SBNO2: variants seen among roughly 807,000 people sequenced by gnomAD.
The protein encoded by SBNO2 is strawberry notch homolog 2.
Under a neutral mutation model 146.3 loss-of-function variants are expected in SBNO2, and 89 were observed. The ratio of observed to expected loss-of-function variants is 0.61; its 90% CI spans 0.51 to 0.73. The LOEUF (loss-of-function observed/expected upper bound fraction) is 0.73. SBNO2 is among the 30% of genes least tolerant of loss of function. The pLI is 0.00. For synonymous variants in SBNO2, 1,147 were observed against 892.6 expected (o/e 1.29, Z -5.08); for missense variants, 2,092 against 2,003.7 (o/e 1.04, Z -0.84).
At chr19:1,163,181 C>G (rs1323327722) in intron 1 of SBNO2, among the ~76,000 whole-genome samples, 1 of 152,186 alleles carries the variant, frequency 6.6e-6, no homozygotes, top group Non-Finnish European at 1.5e-5. Context: ...TCTTTGCACA[C>G]GTGGTTGGTT....
rs1354952156 is a variant in SBNO2, at chr19:1,112,156, C to G, written c.2628+33G>C. 2.5e-6 allele frequency: 4 copies of G among 1,588,816 alleles called. 1 individual carries two copies. The Middle Eastern group carries it at 6.6e-4, about 264-fold the overall frequency. On this transcript the variant is annotated intron_variant, in intron 22 of 31. Transcript: ENST00000361757. The surrounding 1 kb of genome is among the most constrained non-coding windows in gnomAD (Gnocchi z 5.9). ...CTTTGGAGAGCCTTCCTGGGCCTGTCCCTGGTTCTCAGCCCCACCCCCACC... is the reference window on the plus strand; with the variant it reads ...CTTTGGAGAGCCTTCCTGGGCCTGTGCCTGGTTCTCAGCCCCACCCCCACC...
chr19:1,113,577 G>A lies in SBNO2; in HGVS notation c.2205C>T (p.Asp735=), dbSNP rs373029340. Residue 735 remains aspartate (D), a synonymous_variant, in exon 19 of 32, where the codon GAC becomes GAT. Coordinates refer to ENST00000361757, the MANE Select transcript of SBNO2 (RefSeq NM_014963.3). Reference sequence around the variant, plus strand: ...GGCCGCCCAGCTGGTCGATGAGCTCGTCCAGGGTGTTGACTGGCAGTTCCC... The same window carrying A: ...GGCCGCCCAGCTGGTCGATGAGCTCATCCAGGGTGTTGACTGGCAGTTCCC... ...LGRELPVNTL[D]ELIDQLGGPQ... 87 of 1,600,582 alleles carry A rather than the reference G, an allele frequency of 5.4e-5. No homozygotes were observed. The African/African-American group carries it at 7.3e-4, about 13-fold the overall frequency.
chr19:1,169,679 G>C (rs2145361599), intron 1 of SBNO2, among the ~76,000 whole-genome samples: 1 of 152,042 alleles, frequency 6.6e-6, no homozygotes, highest in South Asian at 2.1e-4. Context: ...GCTGCAGGCT[G>C]CCTGACCAGT....
intron 4 of SBNO2, chr19:1,131,968 G>T: frequency 1.6e-6 from 1 of 612,770 alleles, no homozygotes; most frequent in Non-Finnish European, 2.6e-6. Context: ...GATCCTGGCG[G>T]CCTCGGACTC....
intron 4 of SBNO2, among the ~76,000 whole-genome samples, chr19:1,134,388 C>T (rs888494388): frequency 6.6e-6 from 1 of 150,652 alleles, no homozygotes; most frequent in African/African-American, 2.5e-5. Context: ...AGCCTGGCTC[C>T]TGCAGCGCAG....
Position 1,108,287 on chromosome 19 carries a change from CCGCCCGCCGCGCCCCCCGCCCCCG to C in SBNO2, c.4010_4033del (p.Ala1337_Gly1344del). On this transcript the variant is annotated inframe_deletion, in exon 32 of 32. Transcript: ENST00000361757. ...GATCACGCTCTGCCGCTCGGGACCA[CCGCCCGCCGCGCCCCCCGCCCCCG>C]CGCCCTCCCCCAGCGCGCCCTCGGA... is the stretch of plus-strand genomic sequence containing the variant. The C allele has an allele frequency of 6.7e-7, 1 of 1,501,280 alleles. No homozygotes were observed. Among genetic ancestry groups the C allele is most frequent in the Non-Finnish European group, 8.9e-7 (1 of 1,122,752 alleles). 93.0% of individuals were successfully genotyped at this position (1,501,280 alleles called of 1,614,324 possible).
chr19:1,124,620 C>T (rs920086552), intron 5 of SBNO2, among the ~76,000 whole-genome samples: 1 of 152,188 alleles, frequency 6.6e-6, no homozygotes, highest in Admixed American at 6.5e-5. Context: ...TGAGGCCCCT[C>T]GAGGGCAGCA....
chr19:1,166,560 G>A (rs900886336), intron 1 of SBNO2, among the ~76,000 whole-genome samples: 13 of 152,056 alleles, frequency 8.5e-5, no homozygotes, highest in Non-Finnish European at 1.5e-4. Context: ...GGAGGACTGC[G>A]TGAGCCCAGG....
At chr19:1,130,059 C>T (rs1018298515) in intron 4 of SBNO2, among the ~76,000 whole-genome samples, 3 of 152,180 alleles carry the variant, frequency 2.0e-5, no homozygotes, top group Admixed American at 6.5e-5. Context: ...GACCGCCCAA[C>T]GCATCTGAAA....
At chr19:1,145,736 G>A (rs377172813) in intron 4 of SBNO2, among the ~76,000 whole-genome samples, 11 of 152,134 alleles carry the variant, frequency 7.2e-5, no homozygotes, top group Non-Finnish European at 1.5e-4. Flanking sequence ...TTCTGTGTCC[G>A]GCTGGCATGG....
chr19:1,108,724 G>A lies in SBNO2; in HGVS notation c.3617-20C>T, dbSNP rs1294254534. On this transcript the variant is annotated intron_variant, in intron 31 of 31. Transcript: ENST00000361757. ...TGATGCCTGCGGGCAGAGCGTCGGG[G>A]TCAGGGCCGGCGCTGGGGGCTCGGG... The A allele has an allele frequency of 6.4e-7, 1 of 1,571,722 alleles. No individual in the cohort carries two copies. The highest frequency in any genetic ancestry group is 2.3e-5 in the East Asian group (1 of 42,980).
Position 1,127,792 on chromosome 19 carries a change from G to A in SBNO2, c.280-27C>T, listed in dbSNP as rs748234331. 3 of 1,608,072 alleles carry A rather than the reference G, an allele frequency of 1.9e-6. No homozygotes were observed. The Admixed American group carries it at 5.0e-5, about 27-fold the overall frequency. ...TGGAAGACAAGGCCAGGCCCGGTGA[G>A]GGTGGTACGGGAGACACCAAGGCCC... On this transcript the variant is annotated intron_variant, in intron 4 of 31. Coordinates refer to ENST00000361757, the MANE Select transcript of SBNO2 (RefSeq NM_014963.3).
chr19:1,169,894 C>G (rs1227313445), intron 1 of SBNO2, among the ~76,000 whole-genome samples: 3 of 152,182 alleles, frequency 2.0e-5, no homozygotes, highest in African/African-American at 7.2e-5. Context: ...TTCCGCTCCC[C>G]CAAAACACAG....
intron 17 of SBNO2, chr19:1,115,684 C>T (rs2079822081): frequency 2.4e-6 from 1 of 419,488 alleles, no homozygotes; most frequent in African/African-American, 2.1e-5. Context: ...TGGGGGTTAT[C>T]AATGGGCTCC....
chr19:1,116,144 G>A (rs1248572228), intron 16 of SBNO2, 41 bp from the exon 17 acceptor site: 1 of 1,567,384 alleles, frequency 6.4e-7, no homozygotes, highest in Admixed American at 1.8e-5. Context: ...ACGAGGAGCT[G>A]AGGCCAGGCG....
At chr19:1,130,777 G>A (rs924035465) in intron 4 of SBNO2, among the ~76,000 whole-genome samples, 1 of 152,210 alleles carries the variant, frequency 6.6e-6, no homozygotes, top group Non-Finnish European at 1.5e-5. Context: ...GGGTGACAGA[G>A]CAAGTCCCTG....
At chr19:1,147,176 C>T (rs2080198411) in intron 4 of SBNO2, 133 bp downstream of exon 4, 1 of 619,724 alleles carries the variant, frequency 1.6e-6, no homozygotes, top group African/African-American at 2.0e-5. Context: ...ACCGTAAACC[C>T]TGCGGCCGAG....
Position 1,109,793 on chromosome 19 carries a change from G to C in SBNO2, c.3029-16C>G. The C allele has an allele frequency of 6.4e-7, 1 of 1,551,902 alleles. No homozygotes were observed. Among genetic ancestry groups the C allele is most frequent in the East Asian group, 2.3e-5 (1 of 44,322 alleles). On this transcript the variant is annotated splice_polypyrimidine_tract_variant and intron_variant, in intron 26 of 31. Transcript: ENST00000361757. This position sits in a 1 kb window ranked among gnomAD's most constrained non-coding sequence, Gnocchi z 4.2. Reference sequence around the variant, plus strand: ...GGAGCAAGGTCTAGGGGGGCGGGTGGAGGGTAAGTGGTGTCCAGGCCTGGG... The same window carrying C: ...GGAGCAAGGTCTAGGGGGGCGGGTGCAGGGTAAGTGGTGTCCAGGCCTGGG...
rs2080313390 is a variant in SBNO2, at chr19:1,158,496, G to A, written c.-126-4094C>T. 3.3e-5 allele frequency among the ~76,000 whole-genome samples: 5 copies of A among 152,228 alleles called. No individual in the cohort carries two copies. The highest frequency in any genetic ancestry group is 1.9e-4 in the East Asian group (1 of 5,174). Reference sequence around the variant, plus strand: ...GCCGCAGAGCCATAACCGAGACCACGGGAGGACCCAGGGCGCACGGCACAC... The same window carrying A: ...GCCGCAGAGCCATAACCGAGACCACAGGAGGACCCAGGGCGCACGGCACAC... On this transcript the variant is annotated intron_variant, in intron 1 of 31. Coordinates refer to ENST00000361757, the MANE Select transcript of SBNO2 (RefSeq NM_014963.3). This position sits in a 1 kb window ranked among gnomAD's most constrained non-coding sequence, Gnocchi z 9.9.
Sources: allele counts gnomAD v4.1 joint callset (sites outside exome capture counted in the v4.1 genomes callset), GRCh38; gene constraint gnomAD v4.1.1; non-coding constraint Gnocchi (gnomAD v3.1); transcripts MANE v1.5; gene names NCBI Gene and HGNC (gene_info 2026-07-23, HGNC 2026-07-21).